TRUB1: variants seen among roughly 807,000 people sequenced by gnomAD.
TRUB1 encodes pseudouridylate synthase TRUB1.
A neutral mutation model predicts 33.9 loss-of-function variants in TRUB1; 23 were observed. The observed-to-expected ratio is 0.68, with a 90% CI of 0.49 to 0.96. TRUB1 has a LOEUF of 0.96. Ranked by LOEUF, TRUB1 falls within the 40% of genes least tolerant of loss-of-function variation. The probability of loss-of-function intolerance (pLI) is 0.00; values close to 1 mark genes in which losing one functional copy is unlikely to be tolerated. For missense variants in TRUB1, 378 were observed against 422.2 expected (o/e 0.90, Z 0.92); for synonymous variants, 163 against 165.4 (o/e 0.99, Z 0.11).
At chr10:114,954,575 T>C (rs1286198266) in intron 3 of TRUB1, among the ~76,000 whole-genome samples, 4 of 152,228 alleles carry the variant, frequency 2.6e-5, no homozygotes, top group African/African-American at 9.6e-5. Context: ...GCCACTGCTC[T>C]GTGTTCCTCA....
rs536179151 is a variant in TRUB1 at position 114,958,247 on chromosome 10, A to G, written c.442-1479A>G. Among the ~76,000 whole-genome samples the G allele has an allele frequency of 1.9e-3, 291 of 152,336 alleles. 3 individuals carry two copies. The highest frequency in any genetic ancestry group is 6.9e-3 in the African/African-American group (287 of 41,576). On this transcript the variant is annotated intron_variant, in intron 3 of 7. Coordinates refer to ENST00000298746, the MANE Select transcript of TRUB1 (RefSeq NM_139169.5). ...TAGTCGAGGTTGATTGTCCCAAAAT[A>G]TAGAAGCAGGAATGGGTGTCTCAGG...
intron 7 of TRUB1, among the ~76,000 whole-genome samples, chr10:114,974,883 AACAAAAATG>A (rs1476568845): frequency 7.2e-5 from 11 of 152,256 alleles, no homozygotes; most frequent in African/African-American, 2.6e-4. Context: ...TGAGTTAAAT[AACAAAAATG>A]TGTGCAAGTT....
rs1554853267 is a variant in TRUB1 at position 114,969,687 on chromosome 10, G to GTGT, written c.524-680_524-679insGTT. On this transcript the variant is annotated intron_variant, in intron 4 of 7. Coordinates refer to ENST00000298746, the MANE Select transcript of TRUB1 (RefSeq NM_139169.5). ...CATGCTAAAATCCTTGCTTATGTGT[G>GTGT]TTTTTTTTTTTTTTGCACTGGCTTA... The GTGT allele has an allele frequency of 9.5e-4, 120 of 126,704 alleles. 2 individuals are homozygous for GTGT. Among genetic ancestry groups the GTGT allele is most frequent in the African/African-American group, 3.3e-3 (113 of 34,376 alleles). 7.8% of individuals were successfully genotyped at this position (126,704 alleles called of 1,614,324 possible).
chr10:114,975,282 A>C lies in TRUB1; in HGVS notation c.953A>C (p.Lys318Thr), dbSNP rs750951930. The C allele has an allele frequency of 1.7e-5, 27 of 1,613,498 alleles. No homozygotes were observed. Among genetic ancestry groups the C allele is most frequent in the Non-Finnish European group, 2.3e-5 (27 of 1,179,698 alleles). The change falls in exon 8 of 8, where the codon AAA (lysine) becomes ACA (threonine). Residue 318 changes from lysine (K) to threonine (T), a missense_variant. Lys to Thr is a moderately conservative substitution (Grantham distance 78, BLOSUM62 -1). Coordinates refer to ENST00000298746, the MANE Select transcript of TRUB1 (RefSeq NM_139169.5). Reference sequence around the variant, plus strand: ...CTTTTCCCAGCAGAGTTGGCACTTAAAAAATCAAAACCTGAGTCTAATGAA... The same window carrying C: ...CTTTTCCCAGCAGAGTTGGCACTTACAAAATCAAAACCTGAGTCTAATGAA... ...SSLFPAELALKKSKPESNEQV... is the reference protein window; with the variant it reads ...SSLFPAELALTKSKPESNEQV...
chr10:114,971,502 C>T (rs948567652), intron 5 of TRUB1, among the ~76,000 whole-genome samples: 3 of 151,766 alleles, frequency 2.0e-5, no homozygotes, highest in Non-Finnish European at 2.9e-5. Context: ...GATTTTGCCT[C>T]AAATGTAAAA....
intron 3 of TRUB1, among the ~76,000 whole-genome samples, chr10:114,955,245 C>G (rs936709161): frequency 2.6e-5 from 4 of 152,150 alleles, no homozygotes; most frequent in South Asian, 4.1e-4. Context: ...TATATCTTCC[C>G]TAAATTACAC....
intron 5 of TRUB1, among the ~76,000 whole-genome samples, chr10:114,971,589 A>G (rs2084337123): frequency 6.6e-6 from 1 of 152,124 alleles, no homozygotes; most frequent in Non-Finnish European, 1.5e-5. Context: ...ATGTATAAGA[A>G]TTGTTTTAAT....
chr10:114,959,462 A>G (rs532464119), intron 3 of TRUB1, among the ~76,000 whole-genome samples: 1 of 152,330 alleles, frequency 6.6e-6, no homozygotes, highest in East Asian at 1.9e-4. Context: ...TACAATAATA[A>G]TGGTCATAAT....
chr10:114,952,163 G>T (rs2084238623), intron 3 of TRUB1, among the ~76,000 whole-genome samples: 1 of 152,202 alleles, frequency 6.6e-6, no homozygotes, highest in Admixed American at 6.5e-5. Context: ...CCCTGACCGA[G>T]CGTGGTGTCT....
intron 1 of TRUB1, among the ~76,000 whole-genome samples, chr10:114,939,346 T>A (rs2084174608): frequency 6.6e-6 from 1 of 152,210 alleles, no homozygotes; most frequent in African/African-American, 2.4e-5. Flanking sequence ...CTATAGAGAC[T>A]TGAAGATGAA....
intron 6 of TRUB1, among the ~76,000 whole-genome samples, chr10:114,974,016 G>A (rs2084347921): frequency 6.6e-6 from 1 of 152,120 alleles, no homozygotes; most frequent in Non-Finnish European, 1.5e-5. Flanking sequence ...TCAAGCTCAT[G>A]ATAGCAAAGC....
Position 114,975,894 on chromosome 10 carries a change from T to C in TRUB1, c.*515T>C, listed in dbSNP as rs913409318. 3.3e-5 allele frequency: 5 copies of C among 152,252 alleles called. No individual in the cohort carries two copies. The highest frequency in any genetic ancestry group is 1.5e-5 in the Non-Finnish European group (1 of 68,020). The allele number at this position is 152,252 out of a possible 1,614,324, so 9.4% of individuals were successfully genotyped here. On this transcript the variant is annotated 3_prime_UTR_variant, in exon 8 of 8. Transcript: ENST00000298746. The stretch of plus-strand genomic sequence containing the variant: ...GAGTTTATTATTAAAAACATTTCTT[T>C]GATAAAATGGCCATCATCTAGTAAT...
chr10:114,968,083 G>A (rs1295203518), intron 4 of TRUB1, among the ~76,000 whole-genome samples: 1 of 152,102 alleles, frequency 6.6e-6, no homozygotes, highest in Non-Finnish European at 1.5e-5. Context: ...GTACGTGTGT[G>A]TATGTGTGTG....
At chr10:114,967,828 C>T (rs974010606) in intron 4 of TRUB1, among the ~76,000 whole-genome samples, 4 of 152,180 alleles carry the variant, frequency 2.6e-5, no homozygotes, top group African/African-American at 9.7e-5. Flanking sequence ...CCAGTTTGTA[C>T]TACATACTCA....
intron 3 of TRUB1, 95 bp downstream of exon 3, chr10:114,951,244 G>T (rs1200408448): frequency 8.1e-6 from 7 of 859,244 alleles, no homozygotes; most frequent in Non-Finnish European, 1.1e-5. Context: ...TGAGTAAACT[G>T]CATGAATGGG....
chr10:114,969,909 C>T (rs916743992), intron 4 of TRUB1, among the ~76,000 whole-genome samples: 2 of 152,052 alleles, frequency 1.3e-5, no homozygotes, highest in Admixed American at 6.6e-5. Context: ...GTGGATAATA[C>T]TTGTTAAGTG....
At chr10:114,961,267 G>A (rs2143022126) in intron 4 of TRUB1, among the ~76,000 whole-genome samples, 2 of 152,130 alleles carry the variant, frequency 1.3e-5, no homozygotes, top group East Asian at 3.9e-4. Context: ...TTGGACCAGG[G>A]TGCCAGTGGT....
chr10:114,973,293 G>C (rs983711043), intron 6 of TRUB1, among the ~76,000 whole-genome samples: 1 of 152,132 alleles, frequency 6.6e-6, no homozygotes, highest in Admixed American at 6.5e-5. Flanking sequence ...ATGAAAGCAA[G>C]AAAAAACTCA....
At position 114,942,732 on chromosome 10, in the gene TRUB1, G is replaced by A. The variant is rs143607039; in HGVS notation, c.374G>A (p.Arg125Gln). The A allele has an allele frequency of 9.3e-6, 15 of 1,612,192 alleles. No homozygotes were observed. The highest frequency in any genetic ancestry group is 8.9e-5 in the East Asian group (4 of 44,868). Residue 125 changes from arginine to glutamine, a missense_variant, in exon 2 of 8, where the codon CGA (arginine) becomes CAA (glutamine). Coordinates refer to ENST00000298746, the MANE Select transcript of TRUB1 (RefSeq NM_139169.5). ...GGAGGGACTCTAGACAGCGCAGCCCGAGGAGTTCTGGGTAAGAGATATGAA... is the reference window on the plus strand; with the variant it reads ...GGAGGGACTCTAGACAGCGCAGCCCAAGGAGTTCTGGGTAAGAGATATGAA... ...GHGGTLDSAA[R>Q]GVLVVGIGSG...
Sources: allele counts gnomAD v4.1 joint callset (sites outside exome capture counted in the v4.1 genomes callset), GRCh38; gene constraint gnomAD v4.1.1; transcripts MANE v1.5; gene names NCBI Gene and HGNC (gene_info 2026-07-23, HGNC 2026-07-21).